Variants in FREM1 observed in about 807,000 individuals in gnomAD.
The protein encoded by FREM1 is FRAS1-related extracellular matrix protein 1.
FREM1 carries 220 observed loss-of-function variants against 210.1 expected under a neutral mutation model. That is an observed-to-expected ratio of 1.05 (90% confidence interval 0.94 to 1.17). The LOEUF (loss-of-function observed/expected upper bound fraction) is 1.17. Ranked by LOEUF, FREM1 falls within the 50% of genes most tolerant of loss-of-function variation. The probability of loss-of-function intolerance (pLI) is 0.00; values close to 1 mark genes in which losing one functional copy is unlikely to be tolerated. For synonymous variants in FREM1, 1,189 were observed against 980.2 expected (o/e 1.21, Z -3.98); for missense variants, 3,454 against 2,675.5 (o/e 1.29, Z -6.42).
chr9:14,819,171 C>T, intron 14 of FREM1, 63 bp downstream of exon 14: 1 of 1,207,552 alleles, frequency 8.3e-7, no homozygotes. Context: ...CTTACTCTGC[C>T]TCACAACTGA....
intron 1 of FREM1, among the ~76,000 whole-genome samples, chr9:14,885,017 C>G (rs921385269): frequency 7.2e-6 from 1 of 138,856 alleles, no homozygotes; most frequent in East Asian, 2.2e-4. Flanking sequence ...CTCCGCCTCC[C>G]GGGTTCACGC....
chr9:14,796,258 G>C (rs1588035762), intron 21 of FREM1, among the ~76,000 whole-genome samples: 1 of 152,232 alleles, frequency 6.6e-6, no homozygotes, highest in East Asian at 1.9e-4. Flanking sequence ...TTCACTCCCT[G>C]ATAAAAACCC....
At chr9:14,793,615 G>A (rs17311251) in intron 21 of FREM1, among the ~76,000 whole-genome samples, 42,119 of 152,142 alleles carry the variant, frequency 0.28, 6,855 homozygotes, top group Middle Eastern at 0.37. Flanking sequence ...GCCAAAGTGA[G>A]AAAGGGATCT....
rs2131557861 is a variant in FREM1 at position 14,859,230 on chromosome 9, G to T, written c.584C>A (p.Pro195Gln). The change falls in exon 4 of 37, where the codon CCA becomes CAA. Residue 195 changes from proline to glutamine, a missense_variant. Transcript: ENST00000380880. ...TGGCTGATCTCCACGAGGTTCTTCTGGTCGAGGCTCCCCGAGAACCATCTG... is the reference window on the plus strand; with the variant it reads ...TGGCTGATCTCCACGAGGTTCTTCTTGTCGAGGCTCCCCGAGAACCATCTG... ...HGQMVLGEPR[P>Q]EEPRGDQPHS... 1.2e-6 allele frequency: 2 copies of T among 1,609,440 alleles called. No individual in the cohort carries two copies. Among genetic ancestry groups the T allele is most frequent in the Middle Eastern group, 1.7e-4 (1 of 6,036 alleles).
At chr9:14,744,189 AG>A (rs1842031059) in intron 35 of FREM1, among the ~76,000 whole-genome samples, 1 of 152,104 alleles carries the variant, frequency 6.6e-6, no homozygotes. Context: ...GTAGAGAAAA[AG>A]GTGGTTTAAC....
chr9:14,841,024 G>A (rs371701906), intron 10 of FREM1, among the ~76,000 whole-genome samples: 3 of 152,258 alleles, frequency 2.0e-5, no homozygotes, highest in Admixed American at 6.5e-5. Flanking sequence ...CTAAAGGAAG[G>A]TTCTATTATT....
intron 14 of FREM1, among the ~76,000 whole-genome samples, chr9:14,817,178 C>A (rs564816940): frequency 6.6e-6 from 1 of 152,320 alleles, no homozygotes; most frequent in African/African-American, 2.4e-5. Flanking sequence ...GGTCTGTACG[C>A]TTGCAGAATA....
intron 21 of FREM1, among the ~76,000 whole-genome samples, chr9:14,795,745 G>C (rs1346353280): frequency 1.3e-5 from 2 of 152,144 alleles, no homozygotes; most frequent in Non-Finnish European, 2.9e-5. Flanking sequence ...CCTCAGTCAG[G>C]ATAATAATAT....
intron 13 of FREM1, among the ~76,000 whole-genome samples, chr9:14,820,629 T>A (rs1439723461): frequency 1.3e-5 from 2 of 152,212 alleles, no homozygotes; most frequent in African/African-American, 4.8e-5. Context: ...CCTGGGGCAT[T>A]CATGGTGCCA....
chr9:14,741,916 C>T (rs982328433), intron 35 of FREM1, among the ~76,000 whole-genome samples: 2 of 152,018 alleles, frequency 1.3e-5, no homozygotes, highest in Admixed American at 6.6e-5. Flanking sequence ...TTTTAGCTGC[C>T]CAAGTACAAT....
At chr9:14,832,109 T>C (rs553593855) in intron 10 of FREM1, among the ~76,000 whole-genome samples, 1 of 152,344 alleles carries the variant, frequency 6.6e-6, no homozygotes, top group Admixed American at 6.5e-5. Flanking sequence ...CTTGAAACTT[T>C]GAAGAAAAAG....
intron 10 of FREM1, among the ~76,000 whole-genome samples, chr9:14,828,640 G>T (rs1822936528): frequency 7.9e-6 from 1 of 127,244 alleles, no homozygotes; most frequent in Non-Finnish European, 1.8e-5. Flanking sequence ...AATTGTGGCG[G>T]GGCGGGGGAG....
At chr9:14,742,983 C>G (rs1184471573) in intron 35 of FREM1, among the ~76,000 whole-genome samples, 2 of 152,044 alleles carry the variant, frequency 1.3e-5, no homozygotes, top group Non-Finnish European at 2.9e-5. Context: ...TTCCTTGAAC[C>G]TCTTTTTAAA....
rs2131529351 is a variant in FREM1 at position 14,857,710 on chromosome 9, G to A, written c.671C>T (p.Thr224Ile). The change falls in exon 5 of 37, where the codon ACC (threonine) becomes ATC (isoleucine). Residue 224 changes from threonine to isoleucine, a missense_variant. By Grantham distance (89) the Thr-to-Ile change is moderately conservative. Transcript: ENST00000380880. ...AKLKCPGGSC[T>I]PGLKKIGSLK... ...GCTTCCTATTTTCTTTAATCCTGGG[G>A]TACAGCTCCCACCTGGACACTTCAG... The A allele has an allele frequency of 1.2e-6, 2 of 1,612,832 alleles. No homozygotes were observed. Among genetic ancestry groups the A allele is most frequent in the Non-Finnish European group, 1.7e-6 (2 of 1,179,286 alleles).
chr9:14,876,604 G>A (rs1833797502), intron 1 of FREM1, among the ~76,000 whole-genome samples: 1 of 152,174 alleles, frequency 6.6e-6, no homozygotes, highest in African/African-American at 2.4e-5. Context: ...GACTAGGAAA[G>A]GGAACTCCCT....
intron 1 of FREM1, among the ~76,000 whole-genome samples, chr9:14,902,596 C>T (rs1185620979): frequency 1.3e-5 from 2 of 152,140 alleles, no homozygotes; most frequent in East Asian, 1.9e-4. Flanking sequence ...ATCTTGAATG[C>T]TAAATGGTAC....
In FREM1 at chr9:14,900,567, T is replaced by A. The variant is rs4741443; in HGVS notation, c.-268+9347A>T. Among the ~76,000 whole-genome samples the A allele has an allele frequency of 7.1e-4, 107 of 151,728 alleles. 1 individual carries two copies. Among genetic ancestry groups the A allele is most frequent in the African/African-American group, 2.6e-3 (106 of 41,310 alleles). On this transcript the variant is annotated intron_variant, in intron 1 of 36. Transcript: ENST00000380880. ...AGCCCAAAAGCAAGACCCAGTGTGG[T>A]GGTGGTTGGTTGGGGGAGGGCTGGG...
At chr9:14,811,304 T>C (rs1819361330) in intron 16 of FREM1, among the ~76,000 whole-genome samples, 1 of 152,184 alleles carries the variant, frequency 6.6e-6, no homozygotes, top group South Asian at 2.1e-4. Context: ...GATTTAGAAA[T>C]TTGTATACCT....
In FREM1 at chr9:14,769,748, G is replaced by T. The variant is rs912487781; in HGVS notation, c.5180C>A (p.Thr1727Lys). Residue 1727 changes from threonine to lysine, a missense_variant, in exon 27 of 37, where the codon ACA becomes AAA. Thr to Lys is a moderately conservative substitution (Grantham distance 78). Coordinates refer to ENST00000380880, the MANE Select transcript of FREM1 (RefSeq NM_001379081.2). ...CATTTGAGGAGTGGCCGAGTTCCCT[G>T]TGGGGTCCATGATTTGAAATTCCAC... The part of the protein sequence containing the change: ...DTVEFQIMDP[T>K]GNSATPQILE... 1.2e-6 allele frequency: 2 copies of T among 1,612,334 alleles called. No individual in the cohort carries two copies. Among genetic ancestry groups the T allele is most frequent in the African/African-American group, 1.3e-5 (1 of 74,826 alleles).
Sources: gnomAD v4.1 joint callset for allele counts (sites outside exome capture counted in the v4.1 genomes callset) on GRCh38, gnomAD v4.1.1 for gene constraint, MANE v1.5 for transcripts, NCBI Gene and HGNC (gene_info 2026-07-23, HGNC 2026-07-21) for gene names.